Variants in NEBL observed in about 807,000 individuals in gnomAD.
NEBL encodes nebulette, also known as LIM and SH3 protein 2.
NEBL carries 122 observed loss-of-function variants against 140.2 expected under a neutral mutation model. The ratio of observed to expected loss-of-function variants is 0.87; its 90% confidence interval spans 0.75 to 1.01. NEBL has a LOEUF of 1.01. Ranked by LOEUF, NEBL falls within the 50% of genes least tolerant of loss-of-function variation. The pLI is 0.00. For synonymous variants in NEBL, 436 were observed against 398.9 expected (o/e 1.09, Z -1.11); for missense variants, 1,365 against 1,231.3 (o/e 1.11, Z -1.62).
At chr10:21,264,773 G>A (rs1447880098) in intron 1 of NEBL, among the ~76,000 whole-genome samples, 1 of 121,480 alleles carries the variant, frequency 8.2e-6, no homozygotes, top group African/African-American at 3.1e-5. Context: ...CAACAGAAAT[G>A]TATTGCTCAC....
intron 3 of NEBL, among the ~76,000 whole-genome samples, chr10:20,986,877 G>C (rs1282558311): frequency 1.3e-5 from 2 of 152,100 alleles, no homozygotes; most frequent in African/African-American, 4.8e-5. Flanking sequence ...ATATTCACAG[G>C]AACTTCTTTT....
intron 4 of NEBL, among the ~76,000 whole-genome samples, chr10:20,909,271 A>G (rs1457084239): frequency 1.3e-5 from 2 of 150,900 alleles, no homozygotes; most frequent in Admixed American, 1.3e-4. Context: ...ACCCTTTAAC[A>G]GTTCCTACCT....
At chr10:20,819,182 T>C (rs545188124) in intron 20 of NEBL, 3 of 867,734 alleles carry the variant, frequency 3.5e-6, no homozygotes, top group Admixed American at 3.1e-5. Context: ...AGCCCAGTAC[T>C]CAACAGTTAC....
At chr10:20,845,177 A>G in intron 12 of NEBL, 81 bp downstream of exon 12, 1 of 847,914 alleles carries the variant, frequency 1.2e-6, no homozygotes, top group Non-Finnish European at 2.0e-6. Flanking sequence ...ACACTGAATT[A>G]GTAGAGAATT....
intron 2 of NEBL, among the ~76,000 whole-genome samples, chr10:21,080,480 T>C (rs1836314659): frequency 6.6e-6 from 1 of 152,252 alleles, no homozygotes; most frequent in South Asian, 2.1e-4. Flanking sequence ...ATTCATTCAT[T>C]GAATAATTCA....
chr10:20,992,635 C>T (rs1417788620), intron 3 of NEBL, among the ~76,000 whole-genome samples: 1 of 152,060 alleles, frequency 6.6e-6, no homozygotes, highest in East Asian at 1.9e-4. Flanking sequence ...GACTGCTCAG[C>T]CTCCAGACCT....
chr10:21,155,603 T>C (rs1840308348), intron 2 of NEBL, among the ~76,000 whole-genome samples: 1 of 152,186 alleles, frequency 6.6e-6, no homozygotes, highest in African/African-American at 2.4e-5. Context: ...GTACTGTGCC[T>C]ATAATAAGGT....
At chr10:21,092,598 A>C (rs1338130757) in intron 2 of NEBL, among the ~76,000 whole-genome samples, 5 of 140,568 alleles carry the variant, frequency 3.6e-5, no homozygotes, top group Admixed American at 3.4e-4. Context: ...AATAATAATA[A>C]TAATAATAAT....
At chr10:20,831,013 T>C in intron 16 of NEBL, 183 bp downstream of exon 16, 2 of 521,902 alleles carry the variant, frequency 3.8e-6, no homozygotes, top group South Asian at 3.7e-5. Context: ...TTGCATTGAA[T>C]CTATGACTGT....
At chr10:20,939,353 G>A (rs1050381327) in intron 4 of NEBL, among the ~76,000 whole-genome samples, 12 of 152,202 alleles carry the variant, frequency 7.9e-5, no homozygotes, top group African/African-American at 2.9e-4. Flanking sequence ...AAGTGAAGGA[G>A]AAATAAAATA....
At position 20,831,260 on chromosome 10, in the gene NEBL, A is replaced by G; in HGVS notation, c.1607T>C (p.Met536Thr). 3 of 1,613,478 alleles carry G rather than the reference A, an allele frequency of 1.9e-6. No individual in the cohort carries two copies. The highest frequency in any genetic ancestry group is 1.7e-6 in the Non-Finnish European group (2 of 1,179,720). The change falls in exon 16 of 28, where the codon ATG becomes ACG. Residue 536 changes from methionine (M) to threonine (T), a missense_variant. By Grantham distance (81) the Met-to-Thr change is moderately conservative. Around this residue, in one of 2 missense-constraint regions of NEBL, gnomAD observed 1,323 missense variants for 1,154.8 expected, o/e 1.15. Transcript: ENST00000377122. Reference protein sequence around the residue: ...DLENEIKGKGMQVSMDIPDIL... With the variant: ...DLENEIKGKGTQVSMDIPDIL... ...ATCTGGGATATCCATGCTCACTTGC[A>G]TTCCTTTCCCTTTAATTTCATTTTC...
chr10:20,852,018 A>G (rs1564384023), intron 10 of NEBL, among the ~76,000 whole-genome samples: 1 of 152,196 alleles, frequency 6.6e-6, no homozygotes. Flanking sequence ...AGAATTAAAA[A>G]AAAATAACGA....
At chr10:21,197,058 A>G (rs992634847) in intron 3 of NEBL, among the ~76,000 whole-genome samples, 1 of 152,224 alleles carries the variant, frequency 6.6e-6, no homozygotes, top group Admixed American at 6.5e-5. Context: ...ATGAAGATAC[A>G]TTGGCACAGA....
chr10:20,982,072 C>A (rs1837070091), intron 3 of NEBL, among the ~76,000 whole-genome samples: 1 of 152,158 alleles, frequency 6.6e-6, no homozygotes, highest in Non-Finnish European at 1.5e-5. Flanking sequence ...CTTTCATTTG[C>A]CAGGCTAAGA....
intron 3 of NEBL, among the ~76,000 whole-genome samples, chr10:21,211,918 A>G (rs980945634): frequency 3.3e-5 from 5 of 152,150 alleles, no homozygotes; most frequent in African/African-American, 1.2e-4. Flanking sequence ...TAAATGACCT[A>G]CCAAGTTACT....
chr10:21,078,355 C>T (rs377350784), intron 2 of NEBL, among the ~76,000 whole-genome samples: 447 of 152,120 alleles, frequency 2.9e-3, no homozygotes, highest in Non-Finnish European at 4.5e-3. Context: ...ATTATTACAA[C>T]GAACACTTTT....
chr10:21,083,347 CCTT>C (rs1176103051), intron 2 of NEBL, among the ~76,000 whole-genome samples: 1 of 152,094 alleles, frequency 6.6e-6, no homozygotes, highest in Non-Finnish European at 1.5e-5. Flanking sequence ...AGTTTTTGTC[CCTT>C]CTTCTGGGCA....
At chr10:20,845,956 G>T (rs1841897344) in intron 11 of NEBL, among the ~76,000 whole-genome samples, 1 of 152,144 alleles carries the variant, frequency 6.6e-6, no homozygotes, top group African/African-American at 2.4e-5. Context: ...GTTGTGCTGT[G>T]AGGAGAATTT....
intron 3 of NEBL, among the ~76,000 whole-genome samples, chr10:21,218,686 A>G (rs1038904236): frequency 6.6e-6 from 1 of 152,150 alleles, no homozygotes; most frequent in African/African-American, 2.4e-5. Context: ...GGAATACACA[A>G]TTTATCGATA....
Sources: gnomAD v4.1 joint callset for allele counts (sites outside exome capture counted in the v4.1 genomes callset) on GRCh38, gnomAD v4.1.1 for gene constraint, gnomAD v4.1.1 regional missense constraint, MANE v1.5 for transcripts, NCBI Gene and HGNC (gene_info 2026-07-23, HGNC 2026-07-21) for gene names.